The following RFWD3 variants were observed in gnomAD, a reference collection of about 807,000 sequenced individuals.
RFWD3 encodes the protein E3 ubiquitin-protein ligase RFWD3.
In RFWD3, 65 loss-of-function variants were observed where a neutral mutation model predicts 87.7. The observed-to-expected ratio is 0.74, with a 90% CI of 0.61 to 0.91. RFWD3 has a LOEUF of 0.91. Among genes scored for constraint, RFWD3 ranks in the 40% least tolerant of loss-of-function variants. RFWD3 has a pLI of 0.00. For missense variants in RFWD3, 1,078 were observed against 938.5 expected, an observed-to-expected ratio of 1.15 and a Z score of -1.94; for synonymous variants, 433 against 352.8, an observed-to-expected ratio of 1.23 and a Z score of -2.55.
rs964453580 is a variant in RFWD3 at position 74,623,852 on chromosome 16, G to T, written c.*76C>A. On this transcript the variant is annotated 3_prime_UTR_variant, in exon 13 of 13. Coordinates refer to ENST00000361070, the MANE Select transcript of RFWD3 (RefSeq NM_018124.4). ...TTCTAGACTGCAGACAATAAACAGG[G>T]ATCTTGCTTGGGGCTGCTAGGCGCT... 2.0e-6 allele frequency: 3 copies of T among 1,477,548 alleles called. No homozygotes were observed. Among genetic ancestry groups the T allele is most frequent in the African/African-American group, 2.8e-5 (2 of 72,216 alleles). The allele number at this position is 1,477,548 out of a possible 1,614,324, so 91.5% of individuals were successfully genotyped here. A position where few individuals can be genotyped will look rare whatever the true frequency, so the allele number is the denominator to read the frequency against.
At chr16:74,649,082 A>AAAAT (rs749086452) in intron 4 of RFWD3, 50 bp downstream of exon 4, 252 of 1,296,612 alleles carry the variant, frequency 1.9e-4, no homozygotes, top group South Asian at 1.5e-3. Context: ...CTAGTCTCTA[A>AAAAT]AAATAAATAA....
intron 2 of RFWD3, among the ~76,000 whole-genome samples, chr16:74,655,234 T>C (rs1453095569): frequency 1.3e-5 from 2 of 152,100 alleles, no homozygotes; most frequent in Non-Finnish European, 2.9e-5. Flanking sequence ...GTGACTTCAG[T>C]TGAAGCCGAT....
chr16:74,640,705 C>T (rs1959559677), intron 6 of RFWD3, among the ~76,000 whole-genome samples: 2 of 151,478 alleles, frequency 1.3e-5, no homozygotes, highest in Admixed American at 6.6e-5. Context: ...TCTGGGAGGC[C>T]GAGGTGAGTG....
At chr16:74,636,164 A>C (rs1358014248) in intron 8 of RFWD3, among the ~76,000 whole-genome samples, 182 bp downstream of exon 8, 13 of 152,222 alleles carry the variant, frequency 8.5e-5, no homozygotes, top group Admixed American at 3.9e-4. Context: ...TAATAAATTT[A>C]CAGAATGAAG....
intron 2 of RFWD3, among the ~76,000 whole-genome samples, chr16:74,652,930 C>T (rs111911076): frequency 0.016 from 2,393 of 152,306 alleles, 26 homozygotes; most frequent in Non-Finnish European, 0.025. Flanking sequence ...ATCCACCCAC[C>T]TTGGCCTCCC....
At chr16:74,655,033 T>C (rs1212317791) in intron 2 of RFWD3, among the ~76,000 whole-genome samples, 1 of 152,212 alleles carries the variant, frequency 6.6e-6, no homozygotes, top group Non-Finnish European at 1.5e-5. Context: ...ATTGAAACTG[T>C]ACCAAGTTAT....
At position 74,622,762 on chromosome 16, in the gene RFWD3, T is replaced by C. The variant is rs1055473555; in HGVS notation, c.*1166A>G. The C allele has an allele frequency of 4.6e-5, 7 of 152,302 alleles. No homozygotes were observed. Among genetic ancestry groups the C allele is most frequent in the African/African-American group, 1.7e-4 (7 of 41,576 alleles). The allele number at this position is 152,302 out of a possible 1,614,324, so 9.4% of individuals were successfully genotyped here. A position where few individuals can be genotyped will look rare whatever the true frequency, so the allele number is the denominator to read the frequency against. ...GTGGAAGTGGGTTGGCAAAGTAGTC[T>C]GAGGCAAGGCAAAGAAATACAAACT... On this transcript the variant is annotated 3_prime_UTR_variant, in exon 13 of 13. Transcript: ENST00000361070.
rs201075680 is a variant in RFWD3, at chr16:74,660,975, G to A, written c.475C>T (p.Arg159Trp). Residue 159 changes from arginine (R) to tryptophan (W), a missense_variant, in exon 2 of 13, where the codon CGG (arginine) becomes TGG (tryptophan). By Grantham distance (101) the Arg-to-Trp change is moderately radical. Coordinates refer to ENST00000361070, the MANE Select transcript of RFWD3 (RefSeq NM_018124.4). The part of the protein sequence containing the change: ...MRTRRRVSAS[R>W]RARAGGSQRT... ...TGAGACCCTCCGGCTCTTGCCCTCCGTGAAGCAGATACCCTCCTTCTTGTT... is the reference window on the plus strand; with the variant it reads ...TGAGACCCTCCGGCTCTTGCCCTCCATGAAGCAGATACCCTCCTTCTTGTT... 1.9e-5 allele frequency: 30 copies of A among 1,614,100 alleles called. No homozygotes were observed. Among genetic ancestry groups the A allele is most frequent in the East Asian group, 6.7e-5 (3 of 44,878 alleles).
intron 6 of RFWD3, among the ~76,000 whole-genome samples, chr16:74,642,770 G>A (rs1279323018): frequency 6.6e-6 from 1 of 151,470 alleles, no homozygotes; most frequent in East Asian, 2.0e-4. Flanking sequence ...TGGGATTACA[G>A]GCATGAGCCA....
rs750831194 is a variant in RFWD3, at chr16:74,626,315, T to A, written c.2181+28A>T. 3.8e-6 allele frequency: 6 copies of A among 1,593,540 alleles called. No individual in the cohort carries two copies. The East Asian group carries it at 1.3e-4, about 36-fold the overall frequency. On this transcript the variant is annotated intron_variant, in intron 12 of 12. Coordinates refer to ENST00000361070, the MANE Select transcript of RFWD3 (RefSeq NM_018124.4). The stretch of plus-strand genomic sequence containing the variant: ...ATATTTTAAGCAAAACTACTTTTTA[T>A]ATGAAAGTAAAAAAGTAACAGGCTC...
chr16:74,630,192 C>T (rs1959049036), intron 10 of RFWD3, among the ~76,000 whole-genome samples: 1 of 152,144 alleles, frequency 6.6e-6, no homozygotes, highest in Non-Finnish European at 1.5e-5. Flanking sequence ...GCCTCCGAGG[C>T]TCAATAGATT....
At chr16:74,662,596 G>T (rs1260954596) in intron 1 of RFWD3, among the ~76,000 whole-genome samples, 1 of 152,236 alleles carries the variant, frequency 6.6e-6, no homozygotes, top group African/African-American at 2.4e-5. Flanking sequence ...GCTGAGGCAT[G>T]AAGGATTAAA....
intron 9 of RFWD3, 109 bp downstream of exon 9, chr16:74,632,414 C>CAA: frequency 2.4e-6 from 3 of 1,267,708 alleles, no homozygotes; most frequent in Non-Finnish European, 2.2e-6. Context: ...CAAAACAAAA[C>CAA]AACAACAACA....
intron 2 of RFWD3, among the ~76,000 whole-genome samples, chr16:74,655,799 T>C (rs1488445120): frequency 2.0e-5 from 3 of 152,188 alleles, no homozygotes; most frequent in Non-Finnish European, 4.4e-5. Flanking sequence ...GTGCTGGGAT[T>C]ACAGGCGTGA....
intron 1 of RFWD3, among the ~76,000 whole-genome samples, chr16:74,661,846 G>C (rs1333615165): frequency 6.6e-6 from 1 of 152,166 alleles, no homozygotes; most frequent in Non-Finnish European, 1.5e-5. Flanking sequence ...TCTAATTTTA[G>C]CAGGCAATAT....
chr16:74,638,016 G>T (rs1959300519), intron 6 of RFWD3, 46 bp from the exon 7 acceptor site: 1 of 1,327,220 alleles, frequency 7.5e-7, no homozygotes, highest in African/African-American at 1.4e-5. Flanking sequence ...GAAGGCTACA[G>T]AAGACTTCCC....
chr16:74,635,418 G>A (rs910448051), intron 8 of RFWD3, among the ~76,000 whole-genome samples: 2 of 151,948 alleles, frequency 1.3e-5, no homozygotes, highest in Non-Finnish European at 2.9e-5. Context: ...AGTGAGCTGA[G>A]ATCAGGCCAC....
chr16:74,629,636 A>C (rs1959033079), intron 10 of RFWD3, among the ~76,000 whole-genome samples: 1 of 151,870 alleles, frequency 6.6e-6, no homozygotes, highest in African/African-American at 2.4e-5. Context: ...TAAAAAAACA[A>C]AACAAAACAA....
intron 6 of RFWD3, among the ~76,000 whole-genome samples, chr16:74,639,781 G>C (rs1339943816): frequency 6.6e-6 from 1 of 152,106 alleles, no homozygotes; most frequent in Non-Finnish European, 1.5e-5. Flanking sequence ...ATTATAGCTT[G>C]GAATATGTGA....
Sources: allele counts gnomAD v4.1 joint callset (sites outside exome capture counted in the v4.1 genomes callset), GRCh38; gene constraint gnomAD v4.1.1; transcripts MANE v1.5; gene names NCBI Gene and HGNC (gene_info 2026-07-23, HGNC 2026-07-21).